The following NOS1AP variants were observed in gnomAD, a reference collection of about 807,000 sequenced individuals.
NOS1AP encodes the protein nitric oxide synthase 1 adaptor protein.
NOS1AP carries 21 observed loss-of-function variants against 56.2 expected under a neutral mutation model. That is an observed-to-expected ratio of 0.37 (90% CI 0.26 to 0.54). The LOEUF is 0.54. Ranked by LOEUF, NOS1AP falls within the 20% of genes least tolerant of loss-of-function variation. NOS1AP has a pLI of 0.84. For missense variants in NOS1AP, 522 were observed against 657.8 expected (o/e 0.79, Z 2.26); for synonymous variants, 270 against 274.6 (o/e 0.98, Z 0.17).
chr1:162,320,939 C>G (rs1656395124), intron 4 of NOS1AP, among the ~76,000 whole-genome samples: 1 of 152,022 alleles, frequency 6.6e-6, no homozygotes. Context: ...TTTTTCTCCC[C>G]CACTTTTTTT....
intron 5 of NOS1AP, among the ~76,000 whole-genome samples, chr1:162,339,329 A>G (rs151092599): frequency 1.3e-5 from 2 of 152,300 alleles, no homozygotes; most frequent in Admixed American, 1.3e-4. Context: ...CGTGTGGCAA[A>G]GCACTTTTAT....
intron 2 of NOS1AP, among the ~76,000 whole-genome samples, chr1:162,186,212 C>T (rs1350595997): frequency 6.6e-6 from 1 of 152,176 alleles, no homozygotes; most frequent in Non-Finnish European, 1.5e-5. Context: ...ATGCATGTCA[C>T]TGGCAGAAAT....
At chr1:162,209,326 C>CT (rs1489743909) in intron 2 of NOS1AP, among the ~76,000 whole-genome samples, 2 of 152,170 alleles carry the variant, frequency 1.3e-5, no homozygotes, top group African/African-American at 2.4e-5. Flanking sequence ...ACGTCCAAGC[C>CT]TTTAAGTTGG....
chr1:162,106,173 G>T (rs1340621373), intron 1 of NOS1AP, among the ~76,000 whole-genome samples: 1 of 152,168 alleles, frequency 6.6e-6, no homozygotes, highest in Non-Finnish European at 1.5e-5. Context: ...GGAGAAGCAT[G>T]GTTTCCCAGG....
chr1:162,251,602 A>ATGTGTGTGTGTGTGTG (rs35955567), intron 2 of NOS1AP, among the ~76,000 whole-genome samples: 23 of 146,282 alleles, frequency 1.6e-4, no homozygotes, highest in Admixed American at 2.7e-4. Context: ...AAATATATAT[A>ATGTGTGTGTGTGTGTG]TGTGTGTGTG....
Position 162,206,071 on chromosome 1 carries a change from GC to G in NOS1AP, c.177+51596del, listed in dbSNP as rs201451963. Among the ~76,000 whole-genome samples the G allele has an allele frequency of 4.7e-3, 715 of 152,254 alleles. 31 individuals carry two copies. Among genetic ancestry groups the G allele is most frequent in the Admixed American group, 0.043 (650 of 15,292 alleles). On this transcript the variant is annotated intron_variant, in intron 2 of 9. Coordinates refer to ENST00000361897, the MANE Select transcript of NOS1AP (RefSeq NM_014697.3). The stretch of plus-strand genomic sequence containing the variant: ...TCACATTTGGAAAGGCAAAACAGTA[GC>G]ATAAAACCTTTTAGAGAATGTTATC...
chr1:162,317,545 T>C (rs1308972450), intron 4 of NOS1AP, among the ~76,000 whole-genome samples: 2 of 152,000 alleles, frequency 1.3e-5, no homozygotes, highest in East Asian at 3.9e-4. Context: ...GAAGGGGAAT[T>C]TGAAAAGCTA....
intron 2 of NOS1AP, among the ~76,000 whole-genome samples, chr1:162,231,007 A>T (rs1314471248): frequency 6.6e-6 from 1 of 152,258 alleles, no homozygotes; most frequent in Non-Finnish European, 1.5e-5. Context: ...ATATATACCC[A>T]GAAGTAGAAT....
intron 2 of NOS1AP, among the ~76,000 whole-genome samples, chr1:162,189,376 T>C (rs946671024): frequency 9.2e-5 from 13 of 141,774 alleles, no homozygotes; most frequent in African/African-American, 3.0e-4. Context: ...AAACTGGTAT[T>C]TTTTGTTAGT....
intron 5 of NOS1AP, among the ~76,000 whole-genome samples, chr1:162,333,327 G>A (rs1656836425): frequency 1.3e-5 from 2 of 152,198 alleles, no homozygotes; most frequent in Admixed American, 1.3e-4. Context: ...ACAGATAAAT[G>A]CAAAGGGATT....
chr1:162,108,717 A>T (rs964075810), intron 1 of NOS1AP, among the ~76,000 whole-genome samples: 4 of 148,292 alleles, frequency 2.7e-5, no homozygotes, highest in African/African-American at 5.2e-5. Context: ...AACAAACATT[A>T]AAAAAAAAGG....
At chr1:162,251,389 G>GT (rs1557849221) in intron 2 of NOS1AP, among the ~76,000 whole-genome samples, 1 of 152,008 alleles carries the variant, frequency 6.6e-6, no homozygotes, top group Non-Finnish European at 1.5e-5. Context: ...ATGAGTCAAC[G>GT]TTTTATGTGT....
chr1:162,246,999 T>A (rs571310873), intron 2 of NOS1AP, among the ~76,000 whole-genome samples: 2 of 152,314 alleles, frequency 1.3e-5, no homozygotes, highest in African/African-American at 4.8e-5. Context: ...AGTACAAATC[T>A]CATCTTCCTG....
intron 1 of NOS1AP, among the ~76,000 whole-genome samples, chr1:162,088,333 A>G (rs1255751526): frequency 6.6e-6 from 1 of 152,136 alleles, no homozygotes; most frequent in African/African-American, 2.4e-5. Context: ...TAAAACATGG[A>G]TACCCACTGC....
chr1:162,122,607 A>C (rs1416485166), intron 1 of NOS1AP, among the ~76,000 whole-genome samples: 2 of 151,562 alleles, frequency 1.3e-5, no homozygotes, highest in South Asian at 2.1e-4. Flanking sequence ...TCCCAGGCTC[A>C]AGTGATCCTC....
At chr1:162,151,654 C>T (rs1452718308) in intron 1 of NOS1AP, among the ~76,000 whole-genome samples, 1 of 152,036 alleles carries the variant, frequency 6.6e-6, no homozygotes, top group East Asian at 1.9e-4. Flanking sequence ...ATTTTGTGTC[C>T]TCTTCAATTT....
At chr1:162,309,812 G>C (rs916148974) in intron 4 of NOS1AP, among the ~76,000 whole-genome samples, 4 of 152,176 alleles carry the variant, frequency 2.6e-5, no homozygotes, top group Admixed American at 2.6e-4. Flanking sequence ...ATAAAGGGAA[G>C]ATGAAAAGGT....
chr1:162,273,845 A>G (rs1406913069), intron 2 of NOS1AP, among the ~76,000 whole-genome samples: 1 of 152,126 alleles, frequency 6.6e-6, no homozygotes, highest in Non-Finnish European at 1.5e-5. Flanking sequence ...TTACATTTCA[A>G]CCAATTCCCC....
chr1:162,331,647 A>G (rs347302), intron 4 of NOS1AP, among the ~76,000 whole-genome samples: 151,728 of 152,310 alleles, frequency 1, 75,579 homozygotes, highest in Non-Finnish European at 1. Flanking sequence ...AACAAATCAG[A>G]CCTGTTAACT....
Sources: gnomAD v4.1 joint callset for allele counts (sites outside exome capture counted in the v4.1 genomes callset) on GRCh38, gnomAD v4.1.1 for gene constraint, MANE v1.5 for transcripts, NCBI Gene and HGNC (gene_info 2026-07-23, HGNC 2026-07-21) for gene names.